Variants in KALRN observed in about 807,000 individuals in gnomAD.
KALRN encodes the protein kalirin.
Under a neutral mutation model 353.7 loss-of-function variants are expected in KALRN, and 70 were observed. The ratio of observed to expected loss-of-function variants is 0.20; its 90% CI spans 0.16 to 0.24. KALRN has a LOEUF of 0.24. KALRN is among the 10% of genes least tolerant of loss of function. KALRN has a pLI of 1.00. For synonymous variants in KALRN, 1,391 were observed against 1,434.8 expected, an observed-to-expected ratio of 0.97 and a Z score of 0.69; for missense variants, 2,791 against 3,756.7, an observed-to-expected ratio of 0.74 and a Z score of 6.72.
chr3:124,543,581 G>A (rs1186969644), intron 33 of KALRN, among the ~76,000 whole-genome samples: 1 of 152,078 alleles, frequency 6.6e-6, no homozygotes, highest in Non-Finnish European at 1.5e-5. Flanking sequence ...GATTACAGGT[G>A]TGAGCCACCG....
At chr3:124,274,116 T>G (rs2074450067) in intron 5 of KALRN, among the ~76,000 whole-genome samples, 1 of 152,206 alleles carries the variant, frequency 6.6e-6, no homozygotes, top group Non-Finnish European at 1.5e-5. Context: ...TGAGTGCTAC[T>G]CAGTGGAAGA....
intron 5 of KALRN, among the ~76,000 whole-genome samples, chr3:124,285,886 A>T (rs1490619226): frequency 1.3e-5 from 2 of 152,072 alleles, no homozygotes; most frequent in African/African-American, 4.8e-5. Flanking sequence ...CCACATTTCA[A>T]ATATTCAAAA....
chr3:124,594,248 A>G (rs903926794), intron 34 of KALRN, among the ~76,000 whole-genome samples: 1 of 151,988 alleles, frequency 6.6e-6, no homozygotes, highest in Admixed American at 6.6e-5. Flanking sequence ...TTTTTTGGAG[A>G]CAGAGTCTCG....
At chr3:124,047,587 G>A (rs2040605445) in intron 1 of KALRN, among the ~76,000 whole-genome samples, 1 of 150,888 alleles carries the variant, frequency 6.6e-6, no homozygotes, top group Admixed American at 6.6e-5. Context: ...CTGCCCCCTG[G>A]GTTCATGCCA....
chr3:124,328,014 G>T (rs1275657994), intron 7 of KALRN, among the ~76,000 whole-genome samples: 1 of 152,204 alleles, frequency 6.6e-6, no homozygotes, highest in Non-Finnish European at 1.5e-5. Context: ...GATGGAATAT[G>T]TAAGGTGCCT....
chr3:124,379,330 C>T (rs6768239), intron 10 of KALRN, among the ~76,000 whole-genome samples: 31,994 of 152,018 alleles, frequency 0.21, 3,710 homozygotes, highest in African/African-American at 0.31. Flanking sequence ...TCTATTTCAG[C>T]TCTGGGTCAG....
intron 1 of KALRN, chr3:124,096,282 A>G (rs139250819): frequency 6.6e-6 from 1 of 152,352 alleles, no homozygotes; most frequent in East Asian, 1.9e-4. Context: ...CGTAGGGGCT[A>G]AGTGAGAAAC....
chr3:124,182,547 G>A (rs949310456), intron 1 of KALRN, among the ~76,000 whole-genome samples: 3 of 152,184 alleles, frequency 2.0e-5, no homozygotes, highest in East Asian at 1.9e-4. Context: ...AGCCACAGTC[G>A]CACATAGCCT....
intron 5 of KALRN, among the ~76,000 whole-genome samples, chr3:124,295,398 T>C (rs1465082562): frequency 6.6e-6 from 1 of 152,232 alleles, no homozygotes; most frequent in Non-Finnish European, 1.5e-5. Context: ...AGACCTCATT[T>C]TGTAAGAAGC....
At chr3:124,103,440 G>A (rs13075202) in intron 1 of KALRN, among the ~76,000 whole-genome samples, 90,893 of 152,028 alleles carry the variant, frequency 0.6, 30,069 homozygotes, top group Non-Finnish European at 0.75. Flanking sequence ...TATTCAGAAG[G>A]CTAGTTGGAT....
intron 45 of KALRN, among the ~76,000 whole-genome samples, chr3:124,665,687 A>G (rs1016617391): frequency 6.6e-6 from 1 of 151,426 alleles, no homozygotes; most frequent in Non-Finnish European, 1.5e-5. Flanking sequence ...CTGGTCTTGA[A>G]CTCCTGACCT....
intron 21 of KALRN, among the ~76,000 whole-genome samples, chr3:124,454,777 A>G (rs2059141251): frequency 6.6e-6 from 1 of 152,154 alleles, no homozygotes; most frequent in Non-Finnish European, 1.5e-5. Context: ...TTTACTTAGT[A>G]TTTACATTGT....
intron 21 of KALRN, 126 bp downstream of exon 21, chr3:124,447,011 G>A: frequency 1.9e-6 from 2 of 1,050,650 alleles, no homozygotes; most frequent in Non-Finnish European, 2.8e-6. Context: ...AAGGGGGGAA[G>A]CATGTAAATG....
intron 10 of KALRN, among the ~76,000 whole-genome samples, chr3:124,380,522 T>A (rs1236810892): frequency 6.6e-6 from 1 of 152,212 alleles, no homozygotes. Flanking sequence ...GAGGGATCTA[T>A]ACACCAGCAC....
chr3:124,593,005 C>A (rs755844657), intron 34 of KALRN, among the ~76,000 whole-genome samples: 11 of 152,168 alleles, frequency 7.2e-5, no homozygotes, highest in Non-Finnish European at 1.0e-4. Flanking sequence ...GCAGTACCTC[C>A]TAAAATGTTT....
intron 36 of KALRN, among the ~76,000 whole-genome samples, chr3:124,634,650 G>A (rs895509337): frequency 2.6e-5 from 4 of 152,170 alleles, no homozygotes; most frequent in Non-Finnish European, 4.4e-5. Context: ...GCAGCTTTAT[G>A]TTCTCCCTCA....
At chr3:124,255,645 A>G (rs2071846489) in intron 3 of KALRN, among the ~76,000 whole-genome samples, 1 of 152,218 alleles carries the variant, frequency 6.6e-6, no homozygotes, top group African/African-American at 2.4e-5. Flanking sequence ...CTGGCTGTAG[A>G]TACCCCACAA....
chr3:124,544,638 A>C (rs1318745774), intron 33 of KALRN, among the ~76,000 whole-genome samples: 1 of 121,812 alleles, frequency 8.2e-6, no homozygotes, highest in Non-Finnish European at 1.9e-5. Flanking sequence ...ATATCTATAT[A>C]GATATAGATA....
At chr3:124,624,225 G>A (rs776220101) in intron 34 of KALRN, among the ~76,000 whole-genome samples, 6 of 152,116 alleles carry the variant, frequency 3.9e-5, no homozygotes, top group African/African-American at 7.2e-5. Context: ...CTCAGTTATC[G>A]GATCAATTGT....
Sources: gnomAD v4.1 joint callset for allele counts (sites outside exome capture counted in the v4.1 genomes callset) on GRCh38, gnomAD v4.1.1 for gene constraint, MANE v1.5 for transcripts, NCBI Gene and HGNC (gene_info 2026-07-23, HGNC 2026-07-21) for gene names.